The following USP24 variants were observed in gnomAD, a reference collection of about 807,000 sequenced individuals.
USP24 encodes the protein ubiquitin specific peptidase 24, also known as ubiquitin carboxyl-terminal hydrolase 24.
Under a neutral mutation model 361.6 loss-of-function variants are expected in USP24, and 97 were observed. The ratio of observed to expected loss-of-function variants is 0.27; its 90% CI spans 0.23 to 0.32. USP24 has a LOEUF of 0.32. Among genes scored for constraint, USP24 ranks in the 10% least tolerant of loss-of-function variants. The pLI is 1.00. For synonymous variants in USP24, 1,098 were observed against 1,124.6 expected, an observed-to-expected ratio of 0.98 and a Z score of 0.47; for missense variants, 2,353 against 3,165.6, an observed-to-expected ratio of 0.74 and a Z score of 6.16.
At chr1:55,119,826 T>C (rs776645143) in intron 38 of USP24, among the ~76,000 whole-genome samples, 33 of 152,178 alleles carry the variant, frequency 2.2e-4, no homozygotes, top group Non-Finnish European at 3.8e-4. Flanking sequence ...TTAATTTTTA[T>C]GGAGTCAAAT....
intron 38 of USP24, among the ~76,000 whole-genome samples, chr1:55,115,495 CAAAA>C (rs1165658382): frequency 1.3e-4 from 6 of 45,828 alleles, no homozygotes; most frequent in Admixed American, 4.7e-4. Context: ...GACTCCGCCT[CAAAA>C]AAAAAAAAAA....
At chr1:55,069,705 T>C (rs1336342379) in intron 67 of USP24, among the ~76,000 whole-genome samples, 2 of 151,536 alleles carry the variant, frequency 1.3e-5, no homozygotes, top group Middle Eastern at 3.5e-3. Context: ...GTACATTTGA[T>C]AAATAAAATT....
At chr1:55,089,599 C>A (rs1257108397) in intron 55 of USP24, 28 bp downstream of exon 55, 5 of 1,479,048 alleles carry the variant, frequency 3.4e-6, no homozygotes, top group Non-Finnish European at 4.6e-6. Context: ...ACACAAATTT[C>A]TTTTAATTAA....
chr1:55,200,752 A>T (rs934135249), intron 1 of USP24, among the ~76,000 whole-genome samples: 1 of 152,212 alleles, frequency 6.6e-6, no homozygotes, highest in East Asian at 1.9e-4. Flanking sequence ...CAGAAATGAC[A>T]TCCTCTGCAA....
At chr1:55,106,799 T>G (rs1023438968) in intron 40 of USP24, among the ~76,000 whole-genome samples, 3 of 152,186 alleles carry the variant, frequency 2.0e-5, no homozygotes, top group Non-Finnish European at 1.5e-5. Flanking sequence ...TTTATAATAC[T>G]GAATAATCTT....
intron 1 of USP24, among the ~76,000 whole-genome samples, chr1:55,179,409 G>A (rs1643898223): frequency 6.6e-6 from 1 of 152,150 alleles, no homozygotes; most frequent in Non-Finnish European, 1.5e-5. Context: ...CACTCCAGAT[G>A]TCAATTACCT....
At chr1:55,158,821 CTT>C in intron 10 of USP24, 55 bp downstream of exon 10, 1 of 1,307,618 alleles carries the variant, frequency 7.6e-7, no homozygotes, top group Non-Finnish European at 9.9e-7. Context: ...AAGCATACAT[CTT>C]GGCAGAACTT....
At chr1:55,116,066 T>C (rs931993908) in intron 38 of USP24, among the ~76,000 whole-genome samples, 4 of 152,146 alleles carry the variant, frequency 2.6e-5, no homozygotes, top group African/African-American at 9.7e-5. Flanking sequence ...ATACCTAATG[T>C]AGATGACGGG....
intron 49 of USP24, 45 bp downstream of exon 49, chr1:55,096,907 G>T: frequency 6.3e-7 from 1 of 1,583,326 alleles, no homozygotes; most frequent in South Asian, 1.1e-5. Flanking sequence ...ACGGAGAGCA[G>T]GGGAGGGCAG....
At chr1:55,147,587 A>G (rs776943172) in intron 18 of USP24, 62 bp downstream of exon 18, 12 of 1,450,114 alleles carry the variant, frequency 8.3e-6, no homozygotes, top group Middle Eastern at 1.8e-4. Flanking sequence ...TTTTTATAGT[A>G]TAAGTATAAA....
intron 60 of USP24, among the ~76,000 whole-genome samples, chr1:55,079,309 G>A (rs1031330914): frequency 6.6e-6 from 1 of 152,186 alleles, no homozygotes; most frequent in African/African-American, 2.4e-5. Flanking sequence ...CCTCCCTCTG[G>A]GGCCCTGATG....
intron 28 of USP24, among the ~76,000 whole-genome samples, chr1:55,136,664 G>A (rs530362515): frequency 1.3e-5 from 2 of 152,290 alleles, no homozygotes; most frequent in Middle Eastern, 3.4e-3. Context: ...TCATGGACAC[G>A]GGTGTGAAAG....
chr1:55,213,840 G>A (rs1322893635), intron 1 of USP24, among the ~76,000 whole-genome samples: 4 of 151,880 alleles, frequency 2.6e-5, no homozygotes, highest in African/African-American at 9.7e-5. Flanking sequence ...TAGACTTGAG[G>A]TCTCTGATCA....
At position 55,101,589 on chromosome 1, in the gene USP24, G is replaced by A. The variant is rs747433795; in HGVS notation, c.5140C>T (p.Pro1714Ser). The part of the protein sequence containing the change: ...FQQLYMQPGL[P>S]ESLLSVDDDT... The stretch of plus-strand genomic sequence containing the variant: ...GGATAGAAAAAAGAAATCACCTCAG[G>A]GAGCCCAGGTTGCATATACAGCTGC... The change falls in exon 43 of 68, where the codon CCT (proline) becomes TCT (serine). Residue 1714 changes from proline (P) to serine (S), a missense_variant. Physicochemically the swap from Pro to Ser is moderately conservative, Grantham distance 74. Transcript: ENST00000294383. 1 of 1,609,820 alleles carries A rather than the reference G, an allele frequency of 6.2e-7. No individual in the cohort carries two copies. Among genetic ancestry groups the A allele is most frequent in the Non-Finnish European group, 8.5e-7 (1 of 1,178,026 alleles).
chr1:55,146,807 T>A, intron 19 of USP24, 122 bp downstream of exon 19: 1 of 1,160,668 alleles, frequency 8.6e-7, no homozygotes, highest in South Asian at 1.6e-5. Context: ...CACTTACAGT[T>A]CTTGGCCCAT....
intron 1 of USP24, among the ~76,000 whole-genome samples, chr1:55,180,856 A>C (rs961999539): frequency 6.6e-6 from 1 of 152,134 alleles, no homozygotes; most frequent in Non-Finnish European, 1.5e-5. Flanking sequence ...TCTATTTTTG[A>C]CCACCTCTGT....
chr1:55,096,064 G>A (rs1215448818), intron 50 of USP24, among the ~76,000 whole-genome samples: 1 of 152,136 alleles, frequency 6.6e-6, no homozygotes, highest in East Asian at 1.9e-4. Flanking sequence ...AGACTGCTTT[G>A]CCACACTGCA....
intron 55 of USP24, among the ~76,000 whole-genome samples, chr1:55,088,148 T>C (rs1367128811): frequency 6.6e-6 from 1 of 152,164 alleles, no homozygotes; most frequent in Non-Finnish European, 1.5e-5. Context: ...TCTAATTTGT[T>C]TGAAAAAGAA....
At chr1:55,141,450 C>G (rs1278294474) in intron 24 of USP24, among the ~76,000 whole-genome samples, 166 bp downstream of exon 24, 1 of 152,078 alleles carries the variant, frequency 6.6e-6, no homozygotes, top group African/African-American at 2.4e-5. Context: ...GGCACAGATT[C>G]AGGGATGTAT....
Sources: allele counts gnomAD v4.1 joint callset (sites outside exome capture counted in the v4.1 genomes callset), GRCh38; gene constraint gnomAD v4.1.1; transcripts MANE v1.5; gene names NCBI Gene and HGNC (gene_info 2026-07-23, HGNC 2026-07-21).